COLGALT2: variants seen among roughly 807,000 people sequenced by gnomAD.
COLGALT2 encodes the protein collagen beta(1-O)galactosyltransferase 2, also known as procollagen galactosyltransferase 2.
A neutral mutation model predicts 73.4 loss-of-function variants in COLGALT2; 49 were observed. The observed-to-expected ratio is 0.67, with a 90% confidence interval of 0.53 to 0.85. The LOEUF (loss-of-function observed/expected upper bound fraction) is 0.85. Among genes scored for constraint, COLGALT2 ranks in the 40% least tolerant of loss-of-function variants. COLGALT2 has a pLI of 0.00. For synonymous variants in COLGALT2, 295 were observed against 307.6 expected, an observed-to-expected ratio of 0.96 and a Z score of 0.43; for missense variants, 722 against 790.2, an observed-to-expected ratio of 0.91 and a Z score of 1.03.
downstream of COLGALT2, among the ~76,000 whole-genome samples, chr1:183,935,576 C>T (rs554430542): frequency 6.0e-4 from 92 of 152,328 alleles, 1 homozygote; most frequent in South Asian, 0.017. Flanking sequence ...TGGACACCTC[C>T]ACTCCCTCCC....
intron 10 of COLGALT2, among the ~76,000 whole-genome samples, chr1:183,943,757 C>T (rs140720540): frequency 8.2e-4 from 125 of 152,282 alleles, no homozygotes; most frequent in African/African-American, 2.7e-3. Context: ...CCCACCTTCT[C>T]GGAAGCTGCA....
At chr1:183,960,124 C>T (rs1391189456) in intron 6 of COLGALT2, among the ~76,000 whole-genome samples, 2 of 152,190 alleles carry the variant, frequency 1.3e-5, no homozygotes, top group Non-Finnish European at 2.9e-5. Flanking sequence ...TAAATCCTTA[C>T]AGCCTGATTA....
intron 1 of COLGALT2, among the ~76,000 whole-genome samples, chr1:184,022,887 T>G (rs1205277956): frequency 6.6e-6 from 1 of 152,192 alleles, no homozygotes; most frequent in East Asian, 1.9e-4. Flanking sequence ...AAGAGAAACC[T>G]TCCTTAAGAA....
intron 8 of COLGALT2, chr1:183,946,023 A>G (rs1439601085): frequency 6.4e-6 from 1 of 155,106 alleles, no homozygotes; most frequent in South Asian, 2.0e-4. Flanking sequence ...AGAGCGGCAA[A>G]CCCCACCAAC....
Position 183,938,209 on chromosome 1 carries a change from TAAAA to T in COLGALT2, c.*548_*551del, listed in dbSNP as rs36161033. Reference sequence around the variant, plus strand: ...AACAGGGACTAAGATTTTTTTTTTTTAAAAAATCTACTTTTCAATAAGACTTGTG... The same window carrying T: ...AACAGGGACTAAGATTTTTTTTTTTTAATCTACTTTTCAATAAGACTTGTG... On this transcript the variant is annotated 3_prime_UTR_variant, in exon 12 of 12. Coordinates refer to ENST00000361927, the MANE Select transcript of COLGALT2 (RefSeq NM_015101.4). 62 of 912,096 alleles carry T rather than the reference TAAAA, an allele frequency of 6.8e-5. 1 individual carries two copies. In the South Asian group the frequency reaches 1.7e-3, roughly 26 times the overall value. 56.5% of individuals were successfully genotyped at this position (912,096 alleles called of 1,614,324 possible). A position where few individuals can be genotyped will look rare whatever the true frequency, so the allele number is the denominator to read the frequency against.
At chr1:183,930,391 TTTTAA>T (rs1486364598) in intron 11 of COLGALT2, 1 of 420,396 alleles carries the variant, frequency 2.4e-6, no homozygotes, top group Non-Finnish European at 4.7e-6. Context: ...TGATCTTATT[TTTTAA>T]TTTAATTTTA....
At chr1:183,966,413 A>G (rs1194266072) in intron 5 of COLGALT2, among the ~76,000 whole-genome samples, 1 of 152,184 alleles carries the variant, frequency 6.6e-6, no homozygotes, top group Non-Finnish European at 1.5e-5. Context: ...AATTATCCCT[A>G]TCTTTGGTGA....
chr1:183,938,992 G>C lies in COLGALT2; in HGVS notation c.1650C>G (p.Phe550Leu). The change falls in exon 12 of 12, where the codon TTC becomes TTG. Residue 550 changes from phenylalanine to leucine, a missense_variant. By Grantham distance (22) the Phe-to-Leu change is conservative. Transcript: ENST00000361927. Reference protein sequence around the residue: ...EYYESRDLKAFSAEPLLIYPT... With the variant: ...EYYESRDLKALSAEPLLIYPT... ...GGTAGATGAGCAAGGGTTCTGCAGA[G>C]AAGGCTTTCAGGTCCCTGGATTCAT... 1 of 1,614,166 alleles carries C rather than the reference G, an allele frequency of 6.2e-7. No individual in the cohort carries two copies. The highest frequency in any genetic ancestry group is 8.5e-7 in the Non-Finnish European group (1 of 1,180,024).
At chr1:183,963,124 T>C (rs1032514390) in intron 6 of COLGALT2, among the ~76,000 whole-genome samples, 1 of 152,214 alleles carries the variant, frequency 6.6e-6, no homozygotes, top group Non-Finnish European at 1.5e-5. Flanking sequence ...ATAAAAAGCA[T>C]AGCTACTGAT....
At chr1:184,025,500 C>A (rs1362450903) in intron 1 of COLGALT2, among the ~76,000 whole-genome samples, 1 of 152,182 alleles carries the variant, frequency 6.6e-6, no homozygotes, top group Non-Finnish European at 1.5e-5. Flanking sequence ...CAGAGCCTGG[C>A]TAGATGTGCT....
chr1:183,985,818 AC>A (rs1338735914), intron 1 of COLGALT2, among the ~76,000 whole-genome samples: 1 of 152,202 alleles, frequency 6.6e-6, no homozygotes, highest in Non-Finnish European at 1.5e-5. Context: ...CTTAGTCACC[AC>A]CTGGACAATC....
chr1:184,021,268 A>T (rs1460775683), intron 1 of COLGALT2, among the ~76,000 whole-genome samples: 2 of 152,170 alleles, frequency 1.3e-5, no homozygotes, highest in African/African-American at 4.8e-5. Flanking sequence ...TTTCTAAGAC[A>T]TTTGAAGAAA....
intron 1 of COLGALT2, among the ~76,000 whole-genome samples, chr1:183,987,276 C>T (rs6696539): frequency 0.013 from 2,027 of 152,330 alleles, 37 homozygotes; most frequent in African/African-American, 0.046. Context: ...TTTTCACCCA[C>T]TCATCATGGC....
intron 1 of COLGALT2, among the ~76,000 whole-genome samples, chr1:183,997,401 T>TAGA (rs1671798453): frequency 6.6e-6 from 1 of 152,326 alleles, no homozygotes; most frequent in South Asian, 2.1e-4. Context: ...GTTACTCCTC[T>TAGA]TCCTTCTCGG....
At chr1:183,957,497 G>A (rs1670584551) in intron 6 of COLGALT2, among the ~76,000 whole-genome samples, 1 of 152,118 alleles carries the variant, frequency 6.6e-6, no homozygotes, top group Non-Finnish European at 1.5e-5. Context: ...AAATCCTACC[G>A]CTTCTTCTCT....
chr1:183,944,111 C>T, intron 10 of COLGALT2, 85 bp downstream of exon 10: 2 of 1,418,494 alleles, frequency 1.4e-6, no homozygotes, highest in East Asian at 2.5e-5. Flanking sequence ...GTATCTCCTA[C>T]TGGCTGTGGA....
At chr1:184,035,864 G>T (rs1348888272) in intron 1 of COLGALT2, among the ~76,000 whole-genome samples, 2 of 152,174 alleles carry the variant, frequency 1.3e-5, no homozygotes, top group Non-Finnish European at 2.9e-5. Flanking sequence ...AGGCGGTCAC[G>T]TATGGCAGGG....
chr1:184,036,549 G>A (rs1468527316), intron 1 of COLGALT2, among the ~76,000 whole-genome samples: 1 of 152,204 alleles, frequency 6.6e-6, no homozygotes, highest in Non-Finnish European at 1.5e-5. Context: ...CCCTAGGAGA[G>A]CTAGGAGCAC....
intron 1 of COLGALT2, among the ~76,000 whole-genome samples, chr1:184,034,007 A>G (rs1276515151): frequency 6.6e-6 from 1 of 152,220 alleles, no homozygotes; most frequent in African/African-American, 2.4e-5. Context: ...GCATCTTGGA[A>G]TGTTGCATAG....
Sources: allele counts gnomAD v4.1 joint callset (sites outside exome capture counted in the v4.1 genomes callset), GRCh38; gene constraint gnomAD v4.1.1; transcripts MANE v1.5; gene names NCBI Gene and HGNC (gene_info 2026-07-23, HGNC 2026-07-21).